The following E2F7 variants were observed in gnomAD, a reference collection of about 807,000 sequenced individuals.
E2F7 encodes the protein transcription factor E2F7.
Under a neutral mutation model 81.1 loss-of-function variants are expected in E2F7, and 35 were observed. That is an observed-to-expected ratio of 0.43 (90% confidence interval 0.33 to 0.57). The LOEUF is 0.57. Among genes scored for constraint, E2F7 ranks in the 20% least tolerant of loss-of-function variants. E2F7 has a pLI of 0.04. For synonymous variants in E2F7, 416 were observed against 416.2 expected (o/e 1.00, Z 0.01); for missense variants, 961 against 1,093.7 (o/e 0.88, Z 1.71).
At chr12:77,036,830 C>A (rs981847321) in intron 7 of E2F7, among the ~76,000 whole-genome samples, 4 of 151,970 alleles carry the variant, frequency 2.6e-5, no homozygotes, top group Non-Finnish European at 5.9e-5. Flanking sequence ...CAAGCTGCGC[C>A]TCCCGGGTTC....
chr12:77,064,703 T>A (rs1955103805), intron 1 of E2F7, 68 bp from the exon 2 acceptor site: 2 of 1,272,264 alleles, frequency 1.6e-6, no homozygotes, highest in Non-Finnish European at 2.3e-6. Flanking sequence ...CAAAAATATC[T>A]ACATATGTGT....
At chr12:77,061,587 A>G (rs1381040284) in intron 2 of E2F7, among the ~76,000 whole-genome samples, 1 of 152,210 alleles carries the variant, frequency 6.6e-6, no homozygotes, top group Non-Finnish European at 1.5e-5. Flanking sequence ...AACTTCGGGT[A>G]ATGAAGTTGG....
rs1282975763 is a variant in E2F7 at position 77,033,023 on chromosome 12, C to T, written c.1382+27G>A. ...TAACACTAGGAGATAGAAAAGAATA[C>T]ACTCTGAGCTTTTATAGACTACTTA... is the stretch of plus-strand genomic sequence containing the variant. On this transcript the variant is annotated intron_variant, in intron 9 of 12. Coordinates refer to ENST00000322886, the MANE Select transcript of E2F7 (RefSeq NM_203394.3). The T allele has an allele frequency of 5.6e-6, 9 of 1,596,082 alleles. No individual in the cohort carries two copies. The African/African-American group carries it at 8.1e-5, about 14-fold the overall frequency.
intron 7 of E2F7, among the ~76,000 whole-genome samples, chr12:77,041,384 T>A (rs1954894110): frequency 6.6e-6 from 1 of 151,924 alleles, no homozygotes; most frequent in African/African-American, 2.4e-5. Context: ...AGAGATGGGG[T>A]TTCATCATAT....
In E2F7 at chr12:77,046,351, T is replaced by G. The variant is rs1038660206; in HGVS notation, c.539-23A>C. ...CACCTGTTTGAAAAACAGAGGCTGA[T>G]GGACATCATGCAGACAAACATTTTT... On this transcript the variant is annotated intron_variant, in intron 4 of 12. Coordinates refer to ENST00000322886, the MANE Select transcript of E2F7 (RefSeq NM_203394.3). The G allele has an allele frequency of 2.5e-6, 4 of 1,601,524 alleles. No homozygotes were observed. The African/African-American group carries it at 5.4e-5, about 22-fold the overall frequency.
At chr12:77,051,659 A>G (rs1207514557) in intron 3 of E2F7, among the ~76,000 whole-genome samples, 1 of 152,206 alleles carries the variant, frequency 6.6e-6, no homozygotes, top group Non-Finnish European at 1.5e-5. Context: ...AAAAAAACCT[A>G]GGAATAACAG....
At chr12:77,043,858 C>T (rs117137561) in intron 6 of E2F7, among the ~76,000 whole-genome samples, 11 of 152,188 alleles carry the variant, frequency 7.2e-5, no homozygotes, top group Non-Finnish European at 1.5e-4. Flanking sequence ...GAGACAGGCA[C>T]GATAATGACC....
At chr12:77,043,225 G>A in intron 6 of E2F7, 26 bp from the exon 7 acceptor site, 2 of 1,613,548 alleles carry the variant, frequency 1.2e-6, no homozygotes, top group Non-Finnish European at 1.7e-6. Context: ...CACGATTACG[G>A]TCATGCTGCC....
intron 2 of E2F7, among the ~76,000 whole-genome samples, chr12:77,056,843 G>T (rs1325196166): frequency 6.6e-6 from 1 of 151,104 alleles, no homozygotes; most frequent in African/African-American, 2.4e-5. Flanking sequence ...CATAAGCTTA[G>T]ATATGGTGGC....
In E2F7 at chr12:77,030,111, C is replaced by G. The variant is rs756235927; in HGVS notation, c.1604G>C (p.Ser535Thr). The G allele has an allele frequency of 3.7e-6, 6 of 1,614,112 alleles. No homozygotes were observed. The highest frequency in any genetic ancestry group is 3.3e-5 in the South Asian group (3 of 91,090). Residue 535 changes from serine (S) to threonine (T), a missense_variant, in exon 10 of 13, where the codon AGC becomes ACC. Physicochemically the swap from Ser to Thr is moderately conservative, Grantham distance 58. This residue lies in a region of E2F7 where 587 missense variants were observed against 620.3 expected (regional missense o/e 0.95). Transcript: ENST00000322886. ...GCCAGCAAGGAGTGCTGGCTTCAGG[C>G]TCTCCACAGCAGAGGCTGCAGAAGC... ...SLASAASAVESLKPALLAGQP... is the reference protein window; with the variant it reads ...SLASAASAVETLKPALLAGQP...
intron 3 of E2F7, among the ~76,000 whole-genome samples, chr12:77,053,681 A>G (rs1414108721): frequency 2.6e-5 from 4 of 152,244 alleles, no homozygotes; most frequent in Non-Finnish European, 5.9e-5. Flanking sequence ...CCAAATGGCT[A>G]TAAACAGGAG....
At chr12:77,064,925 G>T (rs1955106174) in intron 1 of E2F7, among the ~76,000 whole-genome samples, 1 of 152,200 alleles carries the variant, frequency 6.6e-6, no homozygotes, top group Non-Finnish European at 1.5e-5. Flanking sequence ...TACCAAGTCG[G>T]AAGGGTGTTG....
At position 77,030,098 on chromosome 12, in the gene E2F7, T is replaced by G. The variant is rs1056164819; in HGVS notation, c.1617A>C (p.Ala539=). 6.2e-7 allele frequency: 1 copy of G among 1,613,774 alleles called. No homozygotes were observed. The highest frequency in any genetic ancestry group is 8.5e-7 in the Non-Finnish European group (1 of 1,179,950). ...AASAVESLKP[A]LLAGQPLVYV... ...ACACTAGAGGCTGGCCAGCAAGGAG[T>G]GCTGGCTTCAGGCTCTCCACAGCAG... is the stretch of plus-strand genomic sequence containing the variant. The change falls in exon 10 of 13, where the codon GCA becomes GCC. Residue 539 remains alanine (A), a synonymous_variant. Transcript: ENST00000322886.
intron 4 of E2F7, among the ~76,000 whole-genome samples, chr12:77,047,906 A>C (rs17760520): frequency 0.089 from 13,518 of 152,198 alleles, 671 homozygotes; most frequent in Middle Eastern, 0.12. Context: ...ATAGCATTCT[A>C]TAAACCTTCC....
chr12:77,056,998 C>T (rs1233581827), intron 2 of E2F7, among the ~76,000 whole-genome samples: 1 of 151,692 alleles, frequency 6.6e-6, no homozygotes, highest in African/African-American at 2.4e-5. Flanking sequence ...GCAATCTTCT[C>T]GCCTTAGCCT....
Position 77,024,049 on chromosome 12 carries a change from C to T in E2F7, c.2702G>A (p.Arg901Lys), listed in dbSNP as rs201532932. Reference protein sequence around the residue: ...NQSRNTSSAQRRLEIPSGGAD With the variant: ...NQSRNTSSAQKRLEIPSGGAD ...GCCGCCGCTGGGGATTTCTAGTCTC[C>T]TCTGGGCCGAGCTGGTGTTTCGTGA... Residue 901 changes from arginine to lysine, a missense_variant, in exon 13 of 13, where the codon AGG becomes AAG. By Grantham distance (26) the Arg-to-Lys change is conservative. Around this residue, in one of 3 missense-constraint regions of E2F7, gnomAD observed 587 missense variants for 620.3 expected, o/e 0.95. Transcript: ENST00000322886. 1 of 1,614,070 alleles carries T rather than the reference C, an allele frequency of 6.2e-7. No homozygotes were observed. Among genetic ancestry groups the T allele is most frequent in the East Asian group, 2.2e-5 (1 of 44,860 alleles).
At position 77,065,397 on chromosome 12, in the gene E2F7, AG is replaced by A. The variant is rs1184235796; in HGVS notation, c.-54del. ...CTCTGCAGGGACCTCCACGGACCCA[AG>A]CCGATGAGGGAAGGTGGTGCGGCGA... On this transcript the variant is annotated 5_prime_UTR_variant, in exon 1 of 13. Transcript: ENST00000322886. 6.6e-6 allele frequency: 1 copy of A among 152,418 alleles called. No homozygotes were observed. Among genetic ancestry groups the A allele is most frequent in the African/African-American group, 2.4e-5 (1 of 41,454 alleles). The allele number at this position is 152,418 out of a possible 1,614,324, so 9.4% of individuals were successfully genotyped here.
chr12:77,049,654 C>G (rs1565907623), intron 4 of E2F7, among the ~76,000 whole-genome samples: 1 of 152,190 alleles, frequency 6.6e-6, no homozygotes, highest in Non-Finnish European at 1.5e-5. Flanking sequence ...CCCACTGTCT[C>G]TTCTTCTCAG....
At chr12:77,032,963 TC>T in intron 9 of E2F7, 86 bp downstream of exon 9, 2 of 1,295,168 alleles carry the variant, frequency 1.5e-6, no homozygotes, top group Middle Eastern at 2.0e-4. Context: ...CTAAATTTTT[TC>T]TTTTGATGGG....
Sources: allele counts gnomAD v4.1 joint callset (sites outside exome capture counted in the v4.1 genomes callset), GRCh38; gene constraint gnomAD v4.1.1; regional missense constraint gnomAD v4.1.1; transcripts MANE v1.5; gene names NCBI Gene and HGNC (gene_info 2026-07-23, HGNC 2026-07-21).